NID1: variants seen among roughly 807,000 people sequenced by gnomAD.
NID1 encodes nidogen 1.
A neutral mutation model predicts 130.6 loss-of-function variants in NID1; 76 were observed. The ratio of observed to expected loss-of-function variants is 0.58; its 90% CI spans 0.48 to 0.70. NID1 has a LOEUF of 0.70. Ranked by LOEUF, NID1 falls within the 30% of genes least tolerant of loss-of-function variation. The pLI, the probability that NID1 is intolerant of heterozygous loss-of-function variation, is 0.00. For synonymous variants in NID1, 665 were observed against 675.1 expected (o/e 0.98, Z 0.23); for missense variants, 1,517 against 1,664.8 (o/e 0.91, Z 1.54).
At position 236,048,790 on chromosome 1, in the gene NID1, A is replaced by G; in HGVS notation, c.425T>C (p.Phe142Ser). ...ACTAGGCTGGAAAGAGATCTCCGGGAACCCTCTGTGGACACACTCTGCTGC... is the reference window on the plus strand; with the variant it reads ...ACTAGGCTGGAAAGAGATCTCCGGGGACCCTCTGTGGACACACTCTGCTGC... Reference protein sequence around the residue: ...QRAAECVHRGFPEISFQPSSA... With the variant: ...QRAAECVHRGSPEISFQPSSA... Residue 142 changes from phenylalanine (F) to serine (S), a missense_variant, in exon 2 of 20, where the codon TTC (phenylalanine) becomes TCC (serine). Coordinates refer to ENST00000264187, the MANE Select transcript of NID1 (RefSeq NM_002508.3). The G allele has an allele frequency of 6.2e-7, 1 of 1,614,090 alleles. No homozygotes were observed. Among genetic ancestry groups the G allele is most frequent in the Non-Finnish European group, 8.5e-7 (1 of 1,180,036 alleles).
Position 236,041,850 on chromosome 1 carries a change from C to T in NID1, c.1135+60G>A, listed in dbSNP as rs557331274. Reference sequence around the variant, plus strand: ...CACAACTGACATCTCCCCAGCAGTACGCCTGTCTGGAAGCCCACACATCCA... The same window carrying T: ...CACAACTGACATCTCCCCAGCAGTATGCCTGTCTGGAAGCCCACACATCCA... On this transcript the variant is annotated intron_variant, in intron 4 of 19. Coordinates refer to ENST00000264187, the MANE Select transcript of NID1 (RefSeq NM_002508.3). 1.6e-5 allele frequency: 25 copies of T among 1,547,030 alleles called. No homozygotes were observed. In the East Asian group the frequency reaches 1.8e-4, roughly 11 times the overall value.
At chr1:236,053,390 A>G (rs1185441479) in intron 1 of NID1, among the ~76,000 whole-genome samples, 3 of 152,122 alleles carry the variant, frequency 2.0e-5, no homozygotes, top group Non-Finnish European at 4.4e-5. Context: ...ACCTATCCAC[A>G]ATGTTAAGTG....
intron 9 of NID1, among the ~76,000 whole-genome samples, chr1:236,019,700 T>A (rs1658698496): frequency 6.6e-6 from 1 of 152,190 alleles, no homozygotes; most frequent in Non-Finnish European, 1.5e-5. Context: ...GAGCTAATAG[T>A]CCACGGTCTT....
At position 235,985,310 on chromosome 1, in the gene NID1, C is replaced by G. The variant is rs1657544580; in HGVS notation, c.3055+69G>C. The G allele has an allele frequency of 2.6e-6, 4 of 1,561,024 alleles. No homozygotes were observed. In the East Asian group the frequency reaches 9.0e-5, roughly 35 times the overall value. On this transcript the variant is annotated intron_variant, in intron 15 of 19. Coordinates refer to ENST00000264187, the MANE Select transcript of NID1 (RefSeq NM_002508.3). Reference sequence around the variant, plus strand: ...GTTTGGCTTCATTTGCTGTTCTTCTCTGGCATACATGGCCACTTTGGCTGC... The same window carrying G: ...GTTTGGCTTCATTTGCTGTTCTTCTGTGGCATACATGGCCACTTTGGCTGC...
At chr1:236,004,483 C>T (rs1249768174) in intron 12 of NID1, among the ~76,000 whole-genome samples, 1 of 152,150 alleles carries the variant, frequency 6.6e-6, no homozygotes, top group African/African-American at 2.4e-5. Context: ...AAAGACTAAG[C>T]CAGGCGCGGT....
intron 10 of NID1, among the ~76,000 whole-genome samples, chr1:236,016,166 A>T (rs1658588566): frequency 6.6e-6 from 1 of 152,148 alleles, no homozygotes; most frequent in Non-Finnish European, 1.5e-5. Context: ...GAAAAAAAAA[A>T]AAGAAGTAAC....
intron 17 of NID1, 66 bp from the exon 18 acceptor site, chr1:235,980,011 C>G (rs1657391257): frequency 7.0e-7 from 1 of 1,424,576 alleles, no homozygotes; most frequent in Admixed American, 1.7e-5. Flanking sequence ...GCAAAAAAAA[C>G]AAGAGTAATG....
At chr1:236,012,132 A>T (rs746886958) in intron 11 of NID1, 89 bp from the exon 12 acceptor site, 1 of 1,503,934 alleles carries the variant, frequency 6.6e-7, no homozygotes, top group Admixed American at 1.8e-5. Context: ...ACTCAAATCT[A>T]TGGGAACCTG....
intron 4 of NID1, among the ~76,000 whole-genome samples, chr1:236,041,365 C>T (rs999616968): frequency 1.3e-5 from 2 of 152,074 alleles, no homozygotes; most frequent in Non-Finnish European, 2.9e-5. Flanking sequence ...CACCCCCGAC[C>T]CTATTTTTTT....
intron 14 of NID1, among the ~76,000 whole-genome samples, chr1:235,987,128 T>A (rs1470180682): frequency 6.6e-6 from 1 of 152,210 alleles, no homozygotes; most frequent in East Asian, 1.9e-4. Flanking sequence ...CACTGAGAGT[T>A]AGCTCTGAGT....
At position 236,045,825 on chromosome 1, in the gene NID1, G is replaced by A. The variant is rs1572617892; in HGVS notation, c.526-142C>T. The A allele has an allele frequency of 1.1e-5, 7 of 661,402 alleles. No individual in the cohort carries two copies. In the East Asian group the frequency reaches 1.9e-4, roughly 18 times the overall value. The allele number at this position is 661,402 out of a possible 1,614,324, so 41.0% of individuals were successfully genotyped here. On this transcript the variant is annotated intron_variant, in intron 2 of 19. Transcript: ENST00000264187. Reference sequence around the variant, plus strand: ...ACCTTATTCTAAAAGAAGGACTTTTGTAGCAAGAACCTAGGATTCTGGGAT... The same window carrying A: ...ACCTTATTCTAAAAGAAGGACTTTTATAGCAAGAACCTAGGATTCTGGGAT...
intron 12 of NID1, among the ~76,000 whole-genome samples, chr1:236,005,406 G>C (rs1166804360): frequency 1.3e-5 from 2 of 151,940 alleles, no homozygotes; most frequent in East Asian, 1.9e-4. Context: ...TCGTAATTTT[G>C]TAAGACACAA....
intron 12 of NID1, among the ~76,000 whole-genome samples, chr1:235,994,608 T>C (rs1657867097): frequency 6.6e-6 from 1 of 152,266 alleles, no homozygotes; most frequent in Non-Finnish European, 1.5e-5. Context: ...TGCTTATCCA[T>C]TGATGAACAT....
chr1:236,019,024 C>G (rs141442915), intron 9 of NID1, among the ~76,000 whole-genome samples: 4 of 152,224 alleles, frequency 2.6e-5, no homozygotes, highest in Admixed American at 6.5e-5. Context: ...CAGGCAAATA[C>G]CCAAACCAAA....
chr1:235,993,766 G>C lies in NID1; in HGVS notation c.2634C>G (p.Cys878Trp). Residue 878 changes from cysteine (C) to tryptophan (W), a missense_variant, in exon 13 of 20, where the codon TGC (cysteine) becomes TGG (tryptophan). By Grantham distance (215) the Cys-to-Trp change is radical (BLOSUM62 -2). This residue lies in a region of NID1 where 1,329 missense variants were observed against 1,429.2 expected (regional missense o/e 0.93). Coordinates refer to ENST00000264187, the MANE Select transcript of NID1 (RefSeq NM_002508.3). ...TGGGCGCGTAGTGCCCGTGCGCATC[G>C]CACTCAGGAACGAACAGCCCCGGAG... ...PIPPGLFVPE[C>W]DAHGHYAPTQ... is the part of the protein sequence containing the mutation. 6.2e-7 allele frequency: 1 copy of C among 1,614,030 alleles called. No individual in the cohort carries two copies. Among genetic ancestry groups the C allele is most frequent in the Non-Finnish European group, 8.5e-7 (1 of 1,179,992 alleles).
chr1:235,990,799 C>G, intron 14 of NID1, 87 bp downstream of exon 14: 3 of 1,473,384 alleles, frequency 2.0e-6, no homozygotes, highest in South Asian at 2.5e-5. Flanking sequence ...GGGGTTGAGC[C>G]TGGGGTTCTG....
intron 5 of NID1, 83 bp downstream of exon 5, chr1:236,038,021 A>G: frequency 6.7e-7 from 1 of 1,492,758 alleles, no homozygotes; most frequent in Non-Finnish European, 9.0e-7. Context: ...AGATGTGGGT[A>G]AAGCAACATG....
At chr1:236,024,734 A>G (rs1658871353) in intron 8 of NID1, among the ~76,000 whole-genome samples, 1 of 152,208 alleles carries the variant, frequency 6.6e-6, no homozygotes, top group Non-Finnish European at 1.5e-5. Flanking sequence ...ACCAGACTCC[A>G]ATTACACAGG....
rs1451802820 is a variant in NID1 at position 236,042,239 on chromosome 1, G to T, written c.806C>A (p.Ala269Asp). The change falls in exon 4 of 20, where the codon GCC becomes GAC. Residue 269 changes from alanine (A) to aspartate (D), a missense_variant. Physicochemically the swap from Ala to Asp is moderately radical, Grantham distance 126. Coordinates refer to ENST00000264187, the MANE Select transcript of NID1 (RefSeq NM_002508.3). ...TGCAGGCACCACGCCATTGGTGGTGGCTGGACTCCCAATCTCAAACACCCA... is the reference window on the plus strand; with the variant it reads ...TGCAGGCACCACGCCATTGGTGGTGTCTGGACTCCCAATCTCAAACACCCA... ...GVWVFEIGSP[A>D]TTNGVVPADV... 2.5e-6 allele frequency: 4 copies of T among 1,610,276 alleles called. No homozygotes were observed. In the African/African-American group the frequency reaches 5.3e-5, roughly 22 times the overall value.
Sources: allele counts gnomAD v4.1 joint callset (sites outside exome capture counted in the v4.1 genomes callset), GRCh38; gene constraint gnomAD v4.1.1; regional missense constraint gnomAD v4.1.1; transcripts MANE v1.5; gene names NCBI Gene and HGNC (gene_info 2026-07-23, HGNC 2026-07-21).